The following LSAMP variants were observed in gnomAD, a reference collection of about 807,000 sequenced individuals.
LSAMP encodes the protein limbic system-associated membrane protein.
In LSAMP, 7 loss-of-function variants were observed where a neutral mutation model predicts 38.6. The observed-to-expected ratio is 0.18, with a 90% CI of 0.10 to 0.34. The LOEUF (loss-of-function observed/expected upper bound fraction) is 0.34. Among genes scored for constraint, LSAMP ranks in the 10% least tolerant of loss-of-function variants. The probability of loss-of-function intolerance (pLI) is 1.00; values close to 1 mark genes in which losing one functional copy is unlikely to be tolerated. For missense variants in LSAMP, 313 were observed against 420.0 expected (o/e 0.75, Z 2.23); for synonymous variants, 154 against 166.8 (o/e 0.92, Z 0.59).
chr3:116,411,964 T>G (rs183714650), intron 1 of LSAMP, among the ~76,000 whole-genome samples: 1 of 152,038 alleles, frequency 6.6e-6, no homozygotes, highest in East Asian at 1.9e-4. Context: ...CTTCTGCCTT[T>G]TGCCATGGAA....
At chr3:116,264,195 TCTCTTA>T (rs970437378) in intron 1 of LSAMP, among the ~76,000 whole-genome samples, 32 of 152,120 alleles carry the variant, frequency 2.1e-4, no homozygotes, top group African/African-American at 7.2e-4. Flanking sequence ...ATCTCCCTGG[TCTCTTA>T]CTCAATTTCT....
At chr3:116,351,378 A>C (rs915490218) in intron 1 of LSAMP, among the ~76,000 whole-genome samples, 1 of 152,136 alleles carries the variant, frequency 6.6e-6, no homozygotes, top group African/African-American at 2.4e-5. Flanking sequence ...ACACCTCAGC[A>C]GCATTAGTCT....
intron 1 of LSAMP, among the ~76,000 whole-genome samples, chr3:116,415,533 G>C (rs940659088): frequency 6.6e-6 from 1 of 152,082 alleles, no homozygotes; most frequent in Non-Finnish European, 1.5e-5. Flanking sequence ...CTAGAGGAGG[G>C]AGACTGTTCT....
At chr3:115,993,194 G>T (rs1203476241) in intron 3 of LSAMP, among the ~76,000 whole-genome samples, 1 of 152,096 alleles carries the variant, frequency 6.6e-6, no homozygotes, top group Non-Finnish European at 1.5e-5. Flanking sequence ...CTTGGAAAAA[G>T]AAGCAAACAA....
intron 1 of LSAMP, among the ~76,000 whole-genome samples, chr3:116,353,792 T>A (rs181767056): frequency 4.6e-4 from 70 of 152,216 alleles, no homozygotes; most frequent in Admixed American, 3.4e-3. Flanking sequence ...AGTTTACATA[T>A]ATGAGCACGT....
At chr3:116,286,373 G>T (rs936862674) in intron 1 of LSAMP, among the ~76,000 whole-genome samples, 1 of 152,146 alleles carries the variant, frequency 6.6e-6, no homozygotes, top group Non-Finnish European at 1.5e-5. Flanking sequence ...GGTTAACAGG[G>T]TTTCCTTCAG....
At position 116,053,136 on chromosome 3, in the gene LSAMP, A is replaced by G. The variant is rs185607919; in HGVS notation, c.388+33188T>C. Reference sequence around the variant, plus strand: ...GATCTCAACAGTAAAACTGAGAACCATATCTCAGATCCACAGCCCTGACTA... The same window carrying G: ...GATCTCAACAGTAAAACTGAGAACCGTATCTCAGATCCACAGCCCTGACTA... On this transcript the variant is annotated intron_variant, in intron 2 of 6. Transcript: ENST00000490035. Among the ~76,000 whole-genome samples the G allele has an allele frequency of 3.3e-5, 5 of 152,368 alleles. No homozygotes were observed. In the East Asian group the frequency reaches 9.6e-4, roughly 29 times the overall value.
chr3:116,187,117 G>C (rs918456614), intron 1 of LSAMP, among the ~76,000 whole-genome samples: 1 of 152,060 alleles, frequency 6.6e-6, no homozygotes, highest in Non-Finnish European at 1.5e-5. Context: ...TTATCCTTCA[G>C]CTCTATGTCA....
At chr3:116,290,247 G>A (rs1023339823) in intron 1 of LSAMP, among the ~76,000 whole-genome samples, 1 of 152,156 alleles carries the variant, frequency 6.6e-6, no homozygotes, top group Non-Finnish European at 1.5e-5. Flanking sequence ...AGGAGACACT[G>A]TATGTGGTAG....
At chr3:115,926,696 A>G (rs1350975460) in intron 3 of LSAMP, among the ~76,000 whole-genome samples, 1 of 152,216 alleles carries the variant, frequency 6.6e-6, no homozygotes, top group Non-Finnish European at 1.5e-5. Context: ...TGTGAAATAC[A>G]GGACCTGGCA....
chr3:116,246,913 G>A (rs1002984543), intron 1 of LSAMP, among the ~76,000 whole-genome samples: 1 of 152,102 alleles, frequency 6.6e-6, no homozygotes, highest in South Asian at 2.1e-4. Context: ...GGGTGGGGTC[G>A]AGACAATGTT....
At chr3:116,245,787 G>C (rs925047352) in intron 1 of LSAMP, among the ~76,000 whole-genome samples, 4 of 152,242 alleles carry the variant, frequency 2.6e-5, no homozygotes, top group African/African-American at 9.6e-5. Context: ...AGGCACACAA[G>C]TTTTGATTCT....
At chr3:115,876,447 GT>G (rs879610536) in intron 3 of LSAMP, among the ~76,000 whole-genome samples, 1 of 151,880 alleles carries the variant, frequency 6.6e-6, no homozygotes, top group Non-Finnish European at 1.5e-5. Context: ...TATTGGTAGT[GT>G]TTAACTGTAA....
At chr3:116,032,834 T>A (rs1372746899) in intron 2 of LSAMP, among the ~76,000 whole-genome samples, 2 of 151,902 alleles carry the variant, frequency 1.3e-5, no homozygotes, top group Non-Finnish European at 2.9e-5. Context: ...AAATAAATAA[T>A]TGATAACTGA....
intron 1 of LSAMP, among the ~76,000 whole-genome samples, chr3:116,334,953 T>C (rs2047899890): frequency 6.6e-6 from 1 of 152,044 alleles, no homozygotes; most frequent in Non-Finnish European, 1.5e-5. Flanking sequence ...ATTATGTCTA[T>C]TTGCATATGA....
intron 1 of LSAMP, among the ~76,000 whole-genome samples, chr3:116,368,968 T>C (rs902275597): frequency 6.6e-6 from 1 of 152,154 alleles, no homozygotes; most frequent in Non-Finnish European, 1.5e-5. Context: ...TTAACAAACA[T>C]TCTAGAATGG....
intron 1 of LSAMP, among the ~76,000 whole-genome samples, chr3:116,121,921 G>C (rs1708885681): frequency 7.0e-6 from 1 of 143,426 alleles, no homozygotes; most frequent in Admixed American, 7.2e-5. Flanking sequence ...TCAGCTATCA[G>C]TAGTGTTAGT....
intron 3 of LSAMP, among the ~76,000 whole-genome samples, chr3:115,925,911 A>C (rs563070585): frequency 2.0e-5 from 3 of 152,306 alleles, no homozygotes; most frequent in Admixed American, 2.0e-4. Context: ...AATAGCATTT[A>C]ACCTTGCTAT....
At chr3:116,267,239 G>GTT (rs1012298427) in intron 1 of LSAMP, among the ~76,000 whole-genome samples, 12 of 152,258 alleles carry the variant, frequency 7.9e-5, no homozygotes, top group African/African-American at 2.9e-4. Flanking sequence ...ACAATGGAAT[G>GTT]TTAGAAATGT....
Sources: allele counts gnomAD v4.1 joint callset (sites outside exome capture counted in the v4.1 genomes callset), GRCh38; gene constraint gnomAD v4.1.1; transcripts MANE v1.5; gene names NCBI Gene and HGNC (gene_info 2026-07-23, HGNC 2026-07-21).